The following WHAMM variants were observed in gnomAD, a reference collection of about 807,000 sequenced individuals.
WHAMM encodes WASP homolog-associated protein with actin, membranes and microtubules.
Under a neutral mutation model 76.5 loss-of-function variants are expected in WHAMM, and 67 were observed. That is an observed-to-expected ratio of 0.88 (90% CI 0.72 to 1.07). The LOEUF is 1.07. Among genes scored for constraint, WHAMM ranks in the 50% least tolerant of loss-of-function variants. WHAMM has a pLI of 0.00. For synonymous variants in WHAMM, 419 were observed against 422.1 expected (o/e 0.99, Z 0.09); for missense variants, 1,021 against 1,051.1 (o/e 0.97, Z 0.40).
chr15:82,828,739 G>A (rs1348911085), intron 8 of WHAMM, among the ~76,000 whole-genome samples: 7 of 152,150 alleles, frequency 4.6e-5, no homozygotes, highest in Admixed American at 3.9e-4. Context: ...TTAGTTAAAC[G>A]CTAACAAGTT....
intron 4 of WHAMM, 50 bp downstream of exon 4, chr15:82,818,139 T>A: frequency 6.6e-7 from 1 of 1,508,944 alleles, no homozygotes; most frequent in Non-Finnish European, 8.9e-7. Context: ...CTTTTATTTT[T>A]AAAACATTTT....
chr15:82,810,067 T>G lies in WHAMM; in HGVS notation c.341T>G (p.Val114Gly), dbSNP rs2151553858. The G allele has an allele frequency of 8.4e-7, 1 of 1,189,992 alleles. No individual in the cohort carries two copies. Among genetic ancestry groups the G allele is most frequent in the Non-Finnish European group, 1.0e-6 (1 of 966,988 alleles). The allele number at this position is 1,189,992 out of a possible 1,614,324, so 73.7% of individuals were successfully genotyped here. A position where few individuals can be genotyped will look rare whatever the true frequency, so the allele number is the denominator to read the frequency against. ...CFPRLPPELD[V>G]GGGGAWGLGL... ...CCGCGGCTGCCGCCGGAGCTGGACG[T>G]GGGCGGCGGCGGGGCCTGGGGTCTG... The change falls in exon 1 of 10, where the codon GTG (valine) becomes GGG (glycine). Residue 114 changes from valine to glycine, a missense_variant. By Grantham distance (109) the Val-to-Gly change is moderately radical. Coordinates refer to ENST00000286760, the MANE Select transcript of WHAMM (RefSeq NM_001080435.3).
chr15:82,824,004 A>G (rs1197828890), intron 6 of WHAMM, among the ~76,000 whole-genome samples: 1 of 152,052 alleles, frequency 6.6e-6, no homozygotes, highest in Non-Finnish European at 1.5e-5. Context: ...CTCAGACATT[A>G]TATTTGGTGA....
chr15:82,831,315 A>G (rs1184860875), intron 9 of WHAMM, among the ~76,000 whole-genome samples: 2 of 152,212 alleles, frequency 1.3e-5, no homozygotes, highest in African/African-American at 2.4e-5. Context: ...ATCTCTATAC[A>G]TTTAATGATC....
intron 6 of WHAMM, 26 bp from the exon 7 acceptor site, chr15:82,826,384 G>A (rs1278535751): frequency 6.2e-7 from 1 of 1,612,348 alleles, no homozygotes; most frequent in Non-Finnish European, 8.5e-7. Context: ...TAAAAACCAT[G>A]TAGGTGATTT....
chr15:82,828,778 T>G (rs1246206047), intron 8 of WHAMM, among the ~76,000 whole-genome samples: 2 of 152,218 alleles, frequency 1.3e-5, no homozygotes, highest in Non-Finnish European at 2.9e-5. Flanking sequence ...ATTACTGGTT[T>G]TCTAGTCCAA....
intron 6 of WHAMM, 90 bp downstream of exon 6, chr15:82,823,377 C>G (rs1226153317): frequency 1.7e-6 from 2 of 1,146,292 alleles, no homozygotes; most frequent in Admixed American, 4.1e-5. Context: ...AAGGTTTTTA[C>G]CAACACAGTG....
rs1386693272 is a variant in WHAMM at position 82,830,930 on chromosome 15, C to A, written c.1973C>A (p.Pro658His). ...CCGCCACCGCCGCCCCCACCCCCTC[C>A]TCTCCGTGCTCTGTCCTCATCCTCT... ...PPPPPPPPPP[P>H]LRALSSSSQA... Residue 658 changes from proline (P) to histidine (H), a missense_variant, in exon 9 of 10, where the codon CCT (proline) becomes CAT (histidine). Pro to His is a moderately conservative substitution (Grantham distance 77, BLOSUM62 -2). Around this residue, in one of 3 missense-constraint regions of WHAMM, gnomAD observed 509 missense variants for 492.3 expected, o/e 1.03. Coordinates refer to ENST00000286760, the MANE Select transcript of WHAMM (RefSeq NM_001080435.3). The A allele has an allele frequency of 1.2e-6, 2 of 1,609,434 alleles. No homozygotes were observed. Among genetic ancestry groups the A allele is most frequent in the East Asian group, 4.5e-5 (2 of 44,808 alleles).
At chr15:82,810,845 A>T (rs2050616282) in intron 1 of WHAMM, 1 of 807,112 alleles carries the variant, frequency 1.2e-6, no homozygotes. Flanking sequence ...CAGAAGGTGA[A>T]CTTTATTCAT....
At chr15:82,818,461 G>T (rs55994896) in intron 4 of WHAMM, among the ~76,000 whole-genome samples, 19,640 of 152,200 alleles carry the variant, frequency 0.13, 1,381 homozygotes, top group Admixed American at 0.18. Flanking sequence ...ACCATCTTCT[G>T]TGGAAGGTTA....
Position 82,835,914 on chromosome 15 carries a change from T to C in WHAMM, c.*2378T>C, listed in dbSNP as rs1341652087. 2 of 152,248 alleles carry C rather than the reference T, an allele frequency of 1.3e-5. No homozygotes were observed. Among genetic ancestry groups the C allele is most frequent in the African/African-American group, 4.8e-5 (2 of 41,464 alleles). The allele number at this position is 152,248 out of a possible 1,614,324, so 9.4% of individuals were successfully genotyped here. A position where few individuals can be genotyped will look rare whatever the true frequency, so the allele number is the denominator to read the frequency against. ...CAAAATCACAACTTTGTGGGACTTTTCTTATGCATATTTTGCAGTTTGGCA... is the reference window on the plus strand; with the variant it reads ...CAAAATCACAACTTTGTGGGACTTTCCTTATGCATATTTTGCAGTTTGGCA... On this transcript the variant is annotated 3_prime_UTR_variant, in exon 10 of 10. Transcript: ENST00000286760.
rs758606230 is a variant in WHAMM, at chr15:82,810,202, G to A, written c.476G>A (p.Gly159Asp). 8 of 1,409,016 alleles carry A rather than the reference G, an allele frequency of 5.7e-6. No individual in the cohort carries two copies. The South Asian group carries it at 9.8e-5, about 17-fold the overall frequency. 87.3% of individuals were successfully genotyped at this position (1,409,016 alleles called of 1,614,324 possible). ...LERYLGAAAD[G>D]CGGATVRDAL... ...CGCTATCTGGGCGCGGCGGCCGACG[G>A]CTGCGGCGGCGCCACAGTGCGCGAC... The change falls in exon 1 of 10, where the codon GGC becomes GAC. Residue 159 changes from glycine to aspartate, a missense_variant. By Grantham distance (94) the Gly-to-Asp change is moderately conservative (BLOSUM62 -1). Around this residue, in one of 3 missense-constraint regions of WHAMM, gnomAD observed 501 missense variants for 524.9 expected, o/e 0.95. Coordinates refer to ENST00000286760, the MANE Select transcript of WHAMM (RefSeq NM_001080435.3).
At chr15:82,810,635 C>T in intron 1 of WHAMM, 2 of 985,468 alleles carry the variant, frequency 2.0e-6, no homozygotes, top group Non-Finnish European at 2.4e-6. Flanking sequence ...GATGTTGTAA[C>T]AGGAAATGCC....
At chr15:82,832,378 G>T (rs192599449) in intron 9 of WHAMM, among the ~76,000 whole-genome samples, 2 of 152,308 alleles carry the variant, frequency 1.3e-5, no homozygotes, top group Admixed American at 1.3e-4. Context: ...AACTAGAATT[G>T]ATTATTAATC....
chr15:82,823,098 A>T lies in WHAMM; in HGVS notation c.1271-2A>T. ...TTTAAACAATCATTAATACATTTTT[A>T]GAAAAACAAGATGAAGTTGTCTATT... On this transcript the variant is annotated splice_acceptor_variant, in intron 5 of 9. Transcript: ENST00000286760. LOFTEE classifies it high-confidence loss of function. The T allele has an allele frequency of 7.6e-7, 1 of 1,314,042 alleles. No homozygotes were observed. Among genetic ancestry groups the T allele is most frequent in the Non-Finnish European group, 9.8e-7 (1 of 1,019,484 alleles). 81.4% of individuals were successfully genotyped at this position (1,314,042 alleles called of 1,614,324 possible). A position where few individuals can be genotyped will look rare whatever the true frequency, so the allele number is the denominator to read the frequency against.
chr15:82,820,270 GTCTT>G (rs375525626), intron 5 of WHAMM, among the ~76,000 whole-genome samples: 73 of 152,174 alleles, frequency 4.8e-4, no homozygotes, highest in Middle Eastern at 6.8e-3. Context: ...ATACATAACT[GTCTT>G]TCTATTTCAG....
chr15:82,815,140 TATATATATATATATA>T (rs1361549875), intron 2 of WHAMM, among the ~76,000 whole-genome samples: 2,315 of 41,198 alleles, frequency 0.056, 228 homozygotes, highest in African/African-American at 0.25. Context: ...TATATATATA[TATATATATATATATA>T]GTACAATTCA....
intron 1 of WHAMM, among the ~76,000 whole-genome samples, chr15:82,812,313 C>T (rs186082644): frequency 2.2e-4 from 34 of 152,350 alleles, no homozygotes; most frequent in Admixed American, 1.8e-3. Flanking sequence ...ACTGCAACCT[C>T]CGCCTCCCGG....
At chr15:82,813,848 C>T (rs1429439646) in intron 2 of WHAMM, among the ~76,000 whole-genome samples, 2 of 150,804 alleles carry the variant, frequency 1.3e-5, no homozygotes, top group South Asian at 2.1e-4. Flanking sequence ...TTAGTAGAGA[C>T]GGGGTTTCAC....
Sources: allele counts gnomAD v4.1 joint callset (sites outside exome capture counted in the v4.1 genomes callset), GRCh38; gene constraint gnomAD v4.1.1; regional missense constraint gnomAD v4.1.1; transcripts MANE v1.5; gene names NCBI Gene and HGNC (gene_info 2026-07-23, HGNC 2026-07-21).